Variants in SLC13A1 observed in about 807,000 individuals in gnomAD.
SLC13A1 encodes solute carrier family 13 member 1.
SLC13A1 carries 65 observed loss-of-function variants against 70.0 expected under a neutral mutation model. The observed-to-expected ratio is 0.93, with a 90% CI of 0.76 to 1.14. SLC13A1 has a LOEUF of 1.14. Among genes scored for constraint, SLC13A1 ranks in the 50% most tolerant of loss-of-function variants. SLC13A1 has a pLI of 0.00. For synonymous variants in SLC13A1, 275 were observed against 250.5 expected (o/e 1.10, Z -0.92); for missense variants, 726 against 717.8 (o/e 1.01, Z -0.13).
At chr7:123,147,826 T>C (rs1794416182) in intron 6 of SLC13A1, among the ~76,000 whole-genome samples, 1 of 152,150 alleles carries the variant, frequency 6.6e-6, no homozygotes, top group Admixed American at 6.6e-5. Context: ...ATTTCATTCA[T>C]TTCTTCATCC....
chr7:123,172,426 T>C (rs1428710296), intron 2 of SLC13A1, among the ~76,000 whole-genome samples: 1 of 152,094 alleles, frequency 6.6e-6, no homozygotes, highest in Non-Finnish European at 1.5e-5. Flanking sequence ...TTCGAGGCCA[T>C]CCTGGCCAAC....
At position 123,123,209 on chromosome 7, in the gene SLC13A1, T is replaced by C. The variant is rs745372851; in HGVS notation, c.1267A>G (p.Thr423Ala). The C allele has an allele frequency of 3.7e-6, 6 of 1,613,258 alleles. No individual in the cohort carries two copies. In the East Asian group the frequency reaches 1.3e-4, roughly 36 times the overall value. Residue 423 changes from threonine to alanine, a missense_variant, in exon 12 of 15, where the codon ACT (threonine) becomes GCT (alanine). Coordinates refer to ENST00000194130, the MANE Select transcript of SLC13A1 (RefSeq NM_022444.4). ...ATGAATGACTGGAATTCTTTCCAAG[T>C]AATCAGTGGAGAGTAATCAAAAGCA... is the stretch of plus-strand genomic sequence containing the variant. The part of the protein sequence containing the change: ...IVAFDYSPLI[T>A]WKEFQSFMPW...
intron 7 of SLC13A1, among the ~76,000 whole-genome samples, chr7:123,145,024 TTG>T (rs367588337): frequency 1.3e-5 from 2 of 152,134 alleles, no homozygotes; most frequent in Non-Finnish European, 2.9e-5. Context: ...CTTTTCCATT[TTG>T]TGTGTGTGTA....
intron 6 of SLC13A1, among the ~76,000 whole-genome samples, chr7:123,161,458 A>G (rs1336673144): frequency 2.6e-5 from 4 of 152,152 alleles, no homozygotes; most frequent in Non-Finnish European, 5.9e-5. Context: ...TTGATGTTGA[A>G]ATAGAAAATC....
intron 1 of SLC13A1, 72 bp from the exon 2 acceptor site, chr7:123,181,173 G>A (rs1020530701): frequency 6.6e-7 from 1 of 1,520,970 alleles, no homozygotes; most frequent in South Asian, 1.2e-5. Flanking sequence ...ACACAAACAT[G>A]TTTGCTTAAT....
chr7:123,146,222 T>A (rs1046679257), intron 7 of SLC13A1, among the ~76,000 whole-genome samples: 1 of 152,164 alleles, frequency 6.6e-6, no homozygotes, highest in African/African-American at 2.4e-5. Context: ...ATGGACCTTT[T>A]TGTTGTTAAA....
chr7:123,148,604 C>T (rs1418901877), intron 6 of SLC13A1: 3 of 356,290 alleles, frequency 8.4e-6, no homozygotes, highest in Non-Finnish European at 1.6e-5. Context: ...GAACCAATAA[C>T]TTTTCCGGTC....
intron 10 of SLC13A1, among the ~76,000 whole-genome samples, chr7:123,126,650 A>G (rs528568954): frequency 2.6e-5 from 4 of 152,250 alleles, no homozygotes; most frequent in Admixed American, 2.6e-4. Context: ...ATCTTTCTCA[A>G]TCTAGCAATT....
intron 12 of SLC13A1, among the ~76,000 whole-genome samples, chr7:123,121,033 CT>C (rs1317877552): frequency 6.6e-6 from 1 of 151,962 alleles, no homozygotes; most frequent in African/African-American, 2.4e-5. Context: ...AAATGTTCTT[CT>C]TTTCTATTTT....
chr7:123,123,021 T>G, intron 12 of SLC13A1, 105 bp downstream of exon 12: 1 of 925,710 alleles, frequency 1.1e-6, no homozygotes, highest in Non-Finnish European at 1.7e-6. Flanking sequence ...TTTGCAACAT[T>G]AAAATGACAG....
intron 1 of SLC13A1, among the ~76,000 whole-genome samples, chr7:123,193,825 A>G (rs1255396672): frequency 6.6e-6 from 1 of 152,100 alleles, no homozygotes; most frequent in Admixed American, 6.6e-5. Context: ...TATAAAACAT[A>G]TTATGGGAGG....
At chr7:123,142,448 T>A (rs1181001725) in intron 7 of SLC13A1, among the ~76,000 whole-genome samples, 1 of 152,144 alleles carries the variant, frequency 6.6e-6, no homozygotes, top group African/African-American at 2.4e-5. Context: ...GTGGCCAAGC[T>A]GGCACCTAAA....
At chr7:123,174,101 T>G (rs1028529585) in intron 2 of SLC13A1, among the ~76,000 whole-genome samples, 2 of 152,046 alleles carry the variant, frequency 1.3e-5, no homozygotes, top group Non-Finnish European at 2.9e-5. Context: ...ATAGTCTTTA[T>G]AGTCTCCTTG....
intron 1 of SLC13A1, among the ~76,000 whole-genome samples, chr7:123,198,383 G>T (rs1275008229): frequency 6.6e-6 from 1 of 151,830 alleles, no homozygotes; most frequent in African/African-American, 2.4e-5. Flanking sequence ...AGCTGACAAG[G>T]TCTTTTAGTT....
chr7:123,147,587 GC>G lies in SLC13A1; in HGVS notation c.661-278del, dbSNP rs556090126. 2.5e-3 allele frequency among the ~76,000 whole-genome samples: 375 copies of G among 151,632 alleles called. 1 individual carries two copies. The highest frequency in any genetic ancestry group is 8.4e-3 in the African/African-American group (349 of 41,302). ...CTGCTATGGAAAAAGCCACAAGAAG[GC>G]ATCTGTCTGCAATGCCAGGAGAGAG... On this transcript the variant is annotated intron_variant, in intron 6 of 14. Transcript: ENST00000194130.
chr7:123,150,754 A>C (rs1014553984), intron 6 of SLC13A1, among the ~76,000 whole-genome samples: 2 of 151,980 alleles, frequency 1.3e-5, no homozygotes, highest in Middle Eastern at 3.4e-3. Flanking sequence ...TTACTGAAAA[A>C]ACTCTGCTTT....
chr7:123,148,774 A>G (rs1453670661), intron 6 of SLC13A1, among the ~76,000 whole-genome samples: 1 of 152,096 alleles, frequency 6.6e-6, no homozygotes, highest in Admixed American at 6.6e-5. Context: ...CATAGCTGGA[A>G]GGAGGTTTGT....
chr7:123,160,270 C>CAA (rs1384770804), intron 6 of SLC13A1, among the ~76,000 whole-genome samples: 102 of 53,880 alleles, frequency 1.9e-3, no homozygotes, highest in African/African-American at 5.5e-3. Context: ...GACTCAGTCT[C>CAA]AAAAAAAAAA....
At chr7:123,169,425 G>C in intron 3 of SLC13A1, 90 bp from the exon 4 acceptor site, 1 of 1,218,366 alleles carries the variant, frequency 8.2e-7, no homozygotes, top group Non-Finnish European at 1.2e-6. Flanking sequence ...GATGTGTTTT[G>C]TGAGTTGGGA....
Sources: gnomAD v4.1 joint callset for allele counts (sites outside exome capture counted in the v4.1 genomes callset) on GRCh38, gnomAD v4.1.1 for gene constraint, MANE v1.5 for transcripts, NCBI Gene and HGNC (gene_info 2026-07-23, HGNC 2026-07-21) for gene names.